KCNH5: variants seen among roughly 807,000 people sequenced by gnomAD.
KCNH5 encodes potassium voltage-gated channel subfamily H member 5.
KCNH5 carries 46 observed loss-of-function variants against 96.1 expected under a neutral mutation model. The observed-to-expected ratio is 0.48, with a 90% confidence interval of 0.38 to 0.61. The LOEUF (loss-of-function observed/expected upper bound fraction) is 0.61. KCNH5 is among the 20% of genes least tolerant of loss of function. The pLI is 0.00. For synonymous variants in KCNH5, 439 were observed against 449.8 expected (o/e 0.98, Z 0.30); for missense variants, 907 against 1,225.8 (o/e 0.74, Z 3.88).
chr14:62,861,880 T>C (rs1888042035), intron 7 of KCNH5, among the ~76,000 whole-genome samples: 1 of 152,168 alleles, frequency 6.6e-6, no homozygotes, highest in Non-Finnish European at 1.5e-5. Context: ...AATGCAAAGA[T>C]TACCTTACCT....
intron 10 of KCNH5, among the ~76,000 whole-genome samples, chr14:62,750,194 T>C (rs1885467301): frequency 6.6e-6 from 1 of 152,222 alleles, no homozygotes; most frequent in Non-Finnish European, 1.5e-5. Flanking sequence ...TCCAGGCACA[T>C]AGTTCACAGG....
chr14:62,929,535 C>T (rs1003328631), intron 7 of KCNH5, among the ~76,000 whole-genome samples: 1 of 152,066 alleles, frequency 6.6e-6, no homozygotes, highest in African/African-American at 2.4e-5. Flanking sequence ...TTTCTGACTT[C>T]GTCCTGCACT....
intron 7 of KCNH5, among the ~76,000 whole-genome samples, chr14:62,887,003 G>C (rs181616439): frequency 2.7e-4 from 41 of 152,204 alleles, no homozygotes; most frequent in African/African-American, 9.4e-4. Flanking sequence ...TGCCATATTT[G>C]GTTGACTTAA....
At chr14:62,823,101 T>C (rs997010162) in intron 8 of KCNH5, among the ~76,000 whole-genome samples, 4 of 152,052 alleles carry the variant, frequency 2.6e-5, no homozygotes, top group Admixed American at 6.6e-5. Flanking sequence ...TTTGGAAACA[T>C]TTCCTGAAAC....
intron 6 of KCNH5, among the ~76,000 whole-genome samples, chr14:62,961,519 G>A (rs1594647210): frequency 1.3e-5 from 2 of 152,262 alleles, no homozygotes; most frequent in South Asian, 4.1e-4. Flanking sequence ...AATGCTGAGG[G>A]AATGAGGTAA....
chr14:62,877,673 A>G (rs1210694357), intron 7 of KCNH5, among the ~76,000 whole-genome samples: 3 of 151,958 alleles, frequency 2.0e-5, no homozygotes, highest in African/African-American at 7.2e-5. Context: ...TAGAATGGCG[A>G]TCATTAAAAA....
chr14:63,003,622 A>T (rs59398801), intron 3 of KCNH5, among the ~76,000 whole-genome samples: 5,662 of 111,208 alleles, frequency 0.051, 304 homozygotes, highest in African/African-American at 0.11. Flanking sequence ...ATATATATAT[A>T]TATTTTTTTT....
intron 9 of KCNH5, among the ~76,000 whole-genome samples, chr14:62,794,885 C>G (rs183267219): frequency 4.7e-4 from 71 of 152,112 alleles, no homozygotes; most frequent in African/African-American, 1.5e-3. Flanking sequence ...AGCAATGTCA[C>G]TTTAGGAATT....
chr14:62,916,352 A>G (rs1163228345), intron 7 of KCNH5, among the ~76,000 whole-genome samples: 1 of 152,214 alleles, frequency 6.6e-6, no homozygotes, highest in Non-Finnish European at 1.5e-5. Context: ...AAAGGAAGAC[A>G]CAATTAAAGA....
At chr14:62,763,924 G>C (rs144488008) in intron 10 of KCNH5, among the ~76,000 whole-genome samples, 72 of 152,234 alleles carry the variant, frequency 4.7e-4, no homozygotes, top group African/African-American at 1.7e-3. Context: ...CACTGGACAA[G>C]ACAGATTCAT....
intron 1 of KCNH5, among the ~76,000 whole-genome samples, chr14:63,023,480 A>G (rs1594680146): frequency 6.6e-6 from 1 of 152,326 alleles, no homozygotes; most frequent in East Asian, 1.9e-4. Context: ...TTTTCATATA[A>G]ATCACATATT....
At position 62,757,601 on chromosome 14, in the gene KCNH5, A is replaced by C. The variant is rs908847908; in HGVS notation, c.2019+22127T>G. ...ATGTGGCATATACACACAATGTAGT[A>C]CTATTCAGCCAAAAAAAAAAAAACC... On this transcript the variant is annotated intron_variant, in intron 10 of 10. Transcript: ENST00000322893. Among the ~76,000 whole-genome samples the C allele has an allele frequency of 9.2e-5, 14 of 151,672 alleles. 1 individual carries two copies. Among genetic ancestry groups the C allele is most frequent in the Non-Finnish European group, 2.1e-4 (14 of 67,854 alleles).
At chr14:62,973,149 T>A (rs992714837) in intron 6 of KCNH5, among the ~76,000 whole-genome samples, 7 of 152,158 alleles carry the variant, frequency 4.6e-5, no homozygotes, top group African/African-American at 1.7e-4. Flanking sequence ...ACCTCCTCAA[T>A]TTTGCTACAA....
At chr14:62,715,695 A>C (rs2139907596) in intron 10 of KCNH5, among the ~76,000 whole-genome samples, 1 of 152,304 alleles carries the variant, frequency 6.6e-6, no homozygotes, top group East Asian at 1.9e-4. Flanking sequence ...CTCCGAGGGC[A>C]CAAAATGTGT....
chr14:62,820,694 T>C (rs761465900), intron 8 of KCNH5, among the ~76,000 whole-genome samples: 3 of 152,204 alleles, frequency 2.0e-5, no homozygotes, highest in Non-Finnish European at 4.4e-5. Context: ...GGTTGCATAG[T>C]ATTTCATGGT....
rs1260998193 is a variant in KCNH5, at chr14:62,702,862, A to T, written c.*4646T>A. ...AGCACATAGTTAAGAATTTTGTTAT[A>T]AGAGTGTCTGCCCATGTGGAATCAT... is the stretch of plus-strand genomic sequence containing the variant. On this transcript the variant is annotated 3_prime_UTR_variant, in exon 11 of 11. Transcript: ENST00000322893. The T allele has an allele frequency of 6.6e-6, 1 of 151,974 alleles. No homozygotes were observed. The allele number at this position is 151,974 out of a possible 1,614,324, so 9.4% of individuals were successfully genotyped here. A position where few individuals can be genotyped will look rare whatever the true frequency, so the allele number is the denominator to read the frequency against.
chr14:62,746,401 C>T (rs1045718385), intron 10 of KCNH5, among the ~76,000 whole-genome samples: 6 of 152,136 alleles, frequency 3.9e-5, no homozygotes, highest in Non-Finnish European at 7.4e-5. Flanking sequence ...ATAAAAAGAA[C>T]AATGCACAAA....
At chr14:62,917,067 A>C (rs769980133) in intron 7 of KCNH5, among the ~76,000 whole-genome samples, 3 of 152,194 alleles carry the variant, frequency 2.0e-5, no homozygotes, top group Non-Finnish European at 4.4e-5. Context: ...ACTAACATAA[A>C]AACTGCAACT....
intron 7 of KCNH5, among the ~76,000 whole-genome samples, chr14:62,926,997 AT>A (rs1889488893): frequency 6.6e-6 from 1 of 152,086 alleles, no homozygotes; most frequent in African/African-American, 2.4e-5. Context: ...CTGCTGAGAG[AT>A]GATATAAACC....
Sources: allele counts gnomAD v4.1 joint callset (sites outside exome capture counted in the v4.1 genomes callset), GRCh38; gene constraint gnomAD v4.1.1; transcripts MANE v1.5; gene names NCBI Gene and HGNC (gene_info 2026-07-23, HGNC 2026-07-21).